BCAR3: variants seen among roughly 807,000 people sequenced by gnomAD.
BCAR3 encodes breast cancer anti-estrogen resistance protein 3.
BCAR3 carries 37 observed loss-of-function variants against 80.1 expected under a neutral mutation model. The observed-to-expected ratio is 0.46, with a 90% confidence interval of 0.36 to 0.61. The LOEUF (loss-of-function observed/expected upper bound fraction) is 0.61, where lower values mean the gene tolerates loss of function less well. Among genes scored for constraint, BCAR3 ranks in the 20% least tolerant of loss-of-function variants. The pLI, the probability that BCAR3 is intolerant of heterozygous loss-of-function variation, is 0.00. For synonymous variants in BCAR3, 389 were observed against 418.9 expected, an observed-to-expected ratio of 0.93 and a Z score of 0.87; for missense variants, 978 against 1,068.2, an observed-to-expected ratio of 0.92 and a Z score of 1.18.
At chr1:93,753,272 A>G (rs757050376) in intron 2 of BCAR3, 2 of 152,218 alleles carry the variant, frequency 1.3e-5, no homozygotes, top group African/African-American at 4.8e-5. Context: ...ATTCCACTCA[A>G]GCTGTGTTGC....
In BCAR3 at chr1:93,589,311, A is replaced by G; in HGVS notation, c.595T>C (p.Phe199Leu). The change falls in exon 5 of 12, where the codon TTC becomes CTC. Residue 199 changes from phenylalanine (F) to leucine (L), a missense_variant. By Grantham distance (22) the Phe-to-Leu change is conservative. Transcript: ENST00000260502. ...TCQWKNLAQH[F>L]KINRTVLRLS... ...CGCAGAACTGTCCGGTTGATTTTGA[A>G]GTGCTGAGCGAGGTTCTTCCACTGA... 1 of 1,614,180 alleles carries G rather than the reference A, an allele frequency of 6.2e-7. No homozygotes were observed. Among genetic ancestry groups the G allele is most frequent in the Non-Finnish European group, 8.5e-7 (1 of 1,180,028 alleles).
chr1:93,634,490 G>A (rs757978530), intron 3 of BCAR3, among the ~76,000 whole-genome samples: 3 of 152,030 alleles, frequency 2.0e-5, no homozygotes, highest in Non-Finnish European at 2.9e-5. Context: ...TCAGGAGTGC[G>A]AGACCAGGCT....
Position 93,622,036 on chromosome 1 carries a change from T to G in BCAR3, c.357+20268A>C, listed in dbSNP as rs567690299. Among the ~76,000 whole-genome samples the G allele has an allele frequency of 5.3e-5, 8 of 152,176 alleles. No individual in the cohort carries two copies. The South Asian group carries it at 1.7e-3, about 32-fold the overall frequency. ...ACAGGCACCCGCCACCATGCCTGGC[T>G]AATTTTTGTATTTTTAGTAGAGATG... On this transcript the variant is annotated intron_variant, in intron 3 of 11. Transcript: ENST00000260502.
chr1:93,704,416 C>T (rs935978157), intron 3 of BCAR3, among the ~76,000 whole-genome samples: 2 of 152,170 alleles, frequency 1.3e-5, no homozygotes, highest in Admixed American at 6.5e-5. Flanking sequence ...TTACATGCAT[C>T]TATAAGGTAG....
chr1:93,740,541 G>A (rs1026488635), intron 2 of BCAR3, among the ~76,000 whole-genome samples: 1 of 152,190 alleles, frequency 6.6e-6, no homozygotes, highest in Non-Finnish European at 1.5e-5. Flanking sequence ...ACAGGAATGG[G>A]TCCTTGAGCT....
At chr1:93,649,703 T>C (rs1321158989) in intron 2 of BCAR3, among the ~76,000 whole-genome samples, 1 of 152,086 alleles carries the variant, frequency 6.6e-6, no homozygotes. Flanking sequence ...CTATATTGCC[T>C]TTTGTGATAT....
Position 93,631,057 on chromosome 1 carries a change from A to G in BCAR3, c.357+11247T>C, listed in dbSNP as rs1675604377. Among the ~76,000 whole-genome samples, 4 of 152,202 alleles carry G rather than the reference A, an allele frequency of 2.6e-5. No individual in the cohort carries two copies. In the South Asian group the frequency reaches 8.3e-4, roughly 32 times the overall value. On this transcript the variant is annotated intron_variant, in intron 3 of 11. Coordinates refer to ENST00000260502, the MANE Select transcript of BCAR3 (RefSeq NM_003567.4). Reference sequence around the variant, plus strand: ...TGTCTCACAGCTCTGGAGGCTAAAAATCCTATATAAAGTATCCGGAGGGCC... The same window carrying G: ...TGTCTCACAGCTCTGGAGGCTAAAAGTCCTATATAAAGTATCCGGAGGGCC...
At chr1:93,755,537 T>C (rs1571100114) in intron 2 of BCAR3, among the ~76,000 whole-genome samples, 1 of 152,218 alleles carries the variant, frequency 6.6e-6, no homozygotes, top group Non-Finnish European at 1.5e-5. Context: ...TTGCCTACAG[T>C]ATTCAGTACA....
intron 2 of BCAR3, among the ~76,000 whole-genome samples, chr1:93,827,387 G>C (rs1003838150): frequency 2.6e-5 from 4 of 152,096 alleles, no homozygotes; most frequent in Non-Finnish European, 5.9e-5. Context: ...GAGCCAGTGG[G>C]GGAAATCTAA....
rs1424425015 is a variant in BCAR3 at position 93,791,197 on chromosome 1, T to G, written c.-63+54370A>C. Among the ~76,000 whole-genome samples, 2 of 76,026 alleles carry G rather than the reference T, an allele frequency of 2.6e-5. 1 individual carries two copies. The highest frequency in any genetic ancestry group is 4.5e-5 in the Non-Finnish European group (2 of 44,140). 49.9% of individuals were successfully genotyped at this position (76,026 alleles called of 152,430 possible). ...ATTGGGATGGCTGGGTCAAATGGTA[T>G]TTCTAGTTCTAGATCCCTGAGGAAT... On this transcript the variant is annotated intron_variant, in intron 2 of 13. Coordinates refer to the BCAR3 transcript ENST00000370244.
At chr1:93,660,667 G>C (rs1239099381) in intron 2 of BCAR3, among the ~76,000 whole-genome samples, 2 of 152,232 alleles carry the variant, frequency 1.3e-5, no homozygotes, top group Non-Finnish European at 2.9e-5. Context: ...GGAATATTGT[G>C]CATATAGCCT....
chr1:93,666,873 T>C (rs1399683632), intron 2 of BCAR3, among the ~76,000 whole-genome samples: 1 of 152,074 alleles, frequency 6.6e-6, no homozygotes, highest in East Asian at 1.9e-4. Flanking sequence ...TGTGAGAAAC[T>C]TTCTCCCACA....
chr1:93,579,762 G>A lies in BCAR3; in HGVS notation c.1686+2539C>T, dbSNP rs3754192. 3.0e-3 allele frequency among the ~76,000 whole-genome samples: 460 copies of A among 152,252 alleles called. 7 individuals carry two copies. In the East Asian group the frequency reaches 0.032, roughly 10 times the overall value. On this transcript the variant is annotated intron_variant, in intron 7 of 11. Coordinates refer to ENST00000260502, the MANE Select transcript of BCAR3 (RefSeq NM_003567.4). The stretch of plus-strand genomic sequence containing the variant: ...TCTGTAAACCCAGGCCTGTTTCTAC[G>A]AGGAGCTTCCTCTATGGAGAACCCA...
At chr1:93,617,890 G>A (rs1675179512) in intron 3 of BCAR3, among the ~76,000 whole-genome samples, 1 of 152,206 alleles carries the variant, frequency 6.6e-6, no homozygotes, top group African/African-American at 2.4e-5. Context: ...GCCCTAGGCA[G>A]ATAAAGGGGC....
At chr1:93,643,683 A>T (rs1676069078) in intron 2 of BCAR3, among the ~76,000 whole-genome samples, 1 of 151,998 alleles carries the variant, frequency 6.6e-6, no homozygotes, top group Non-Finnish European at 1.5e-5. Flanking sequence ...AGCAGCAGAT[A>T]CGTAGGATGA....
At chr1:93,606,221 AAC>A (rs761700457) in intron 3 of BCAR3, among the ~76,000 whole-genome samples, 6 of 152,250 alleles carry the variant, frequency 3.9e-5, no homozygotes, top group Non-Finnish European at 8.8e-5. Context: ...AAAAAATGCA[AAC>A]AGCAAACATC....
intron 2 of BCAR3, among the ~76,000 whole-genome samples, chr1:93,831,775 A>G (rs758230817): frequency 9.2e-5 from 14 of 151,820 alleles, no homozygotes; most frequent in Non-Finnish European, 1.3e-4. Flanking sequence ...TAATCCTTTT[A>G]TCATCCCCTC....
In BCAR3 at chr1:93,658,398, C is replaced by T. The variant is rs550976779; in HGVS notation, c.318-16055G>A. On this transcript the variant is annotated intron_variant, in intron 2 of 11. Coordinates refer to ENST00000260502, the MANE Select transcript of BCAR3 (RefSeq NM_003567.4). ...ACAAATGATGACTGTCTGCATAGAA[C>T]ACACAAAGAATCTATGCAGAGCTAC... 1.1e-4 allele frequency among the ~76,000 whole-genome samples: 17 copies of T among 152,064 alleles called. No homozygotes were observed. In the South Asian group the frequency reaches 3.5e-3, roughly 32 times the overall value.
chr1:93,781,506 G>A (rs1407617532), intron 2 of BCAR3, among the ~76,000 whole-genome samples: 1 of 152,126 alleles, frequency 6.6e-6, no homozygotes, highest in Non-Finnish European at 1.5e-5. Context: ...AAAATACTAT[G>A]CAAATGCTTT....
Sources: allele counts gnomAD v4.1 joint callset (sites outside exome capture counted in the v4.1 genomes callset), GRCh38; gene constraint gnomAD v4.1.1; transcripts MANE v1.5; gene names NCBI Gene and HGNC (gene_info 2026-07-23, HGNC 2026-07-21).